IFT43: variants seen among roughly 807,000 people sequenced by gnomAD.
IFT43 encodes intraflagellar transport protein 43 homolog.
Under a neutral mutation model 32.3 loss-of-function variants are expected in IFT43, and 33 were observed. That is an observed-to-expected ratio of 1.02 (90% CI 0.77 to 1.37). The LOEUF is 1.37. Among genes scored for constraint, IFT43 ranks in the 40% most tolerant of loss-of-function variants. The pLI, the probability that IFT43 is intolerant of heterozygous loss-of-function variation, is 0.00. For missense variants in IFT43, 274 were observed against 265.9 expected (o/e 1.03, Z -0.21); for synonymous variants, 93 against 98.2 (o/e 0.95, Z 0.31).
At chr14:76,067,288 G>A (rs1027244650) in intron 5 of IFT43, among the ~76,000 whole-genome samples, 4 of 152,308 alleles carry the variant, frequency 2.6e-5, no homozygotes, top group South Asian at 2.1e-4. Context: ...AAGAGAGGCC[G>A]GGTACAGTGG....
At chr14:75,996,004 A>G (rs1035858170) in intron 2 of IFT43, among the ~76,000 whole-genome samples, 2 of 152,136 alleles carry the variant, frequency 1.3e-5, no homozygotes, top group African/African-American at 4.8e-5. Flanking sequence ...GGAAATCAAC[A>G]TCTTGAGATT....
chr14:76,003,780 GTT>G (rs990596263), intron 2 of IFT43, among the ~76,000 whole-genome samples: 1 of 151,686 alleles, frequency 6.6e-6, no homozygotes, highest in African/African-American at 2.4e-5. Flanking sequence ...TCGGGTTTTT[GTT>G]TTGTTTTGTT....
intron 5 of IFT43, among the ~76,000 whole-genome samples, chr14:76,066,006 G>A (rs1232640519): frequency 6.6e-6 from 1 of 152,212 alleles, no homozygotes; most frequent in Non-Finnish European, 1.5e-5. Context: ...ACCAGGGTCT[G>A]AATATGGACC....
intron 2 of IFT43, among the ~76,000 whole-genome samples, chr14:76,021,209 G>T (rs943728396): frequency 6.6e-6 from 1 of 152,046 alleles, no homozygotes; most frequent in African/African-American, 2.4e-5. Flanking sequence ...GTGGGGGTTG[G>T]AGGCAAGTCA....
chr14:76,048,955 A>G (rs1275637188), intron 3 of IFT43, among the ~76,000 whole-genome samples: 1 of 152,120 alleles, frequency 6.6e-6, no homozygotes, highest in African/African-American at 2.4e-5. Context: ...CAGTGTATTT[A>G]TGGGGTTTCG....
At chr14:76,076,847 C>A (rs2037421975) in intron 5 of IFT43, among the ~76,000 whole-genome samples, 1 of 152,160 alleles carries the variant, frequency 6.6e-6, no homozygotes, top group African/African-American at 2.4e-5. Context: ...CAGCTCACAT[C>A]TTTGAAACCA....
At chr14:76,021,382 A>T (rs745705114) in intron 2 of IFT43, among the ~76,000 whole-genome samples, 25 of 152,234 alleles carry the variant, frequency 1.6e-4, no homozygotes, top group Non-Finnish European at 3.4e-4. Context: ...GTTTATAAAA[A>T]GCAGAAGAGG....
chr14:76,019,950 A>T (rs2036259237), intron 2 of IFT43, among the ~76,000 whole-genome samples: 1 of 149,740 alleles, frequency 6.7e-6, no homozygotes, highest in Non-Finnish European at 1.5e-5. Context: ...TCCCATTCAG[A>T]TCATGAATCA....
chr14:76,059,171 C>CAGTGG, intron 4 of IFT43, 156 bp from the exon 5 acceptor site: 1 of 1,563,692 alleles, frequency 6.4e-7, no homozygotes. Flanking sequence ...ACGGCACACC[C>CAGTGG]AGTGGCCTAA....
At chr14:75,991,388 AGTGTGTGTGTGTGTGTGTGT>A (rs34624480) in intron 2 of IFT43, among the ~76,000 whole-genome samples, 2 of 141,986 alleles carry the variant, frequency 1.4e-5, no homozygotes, top group East Asian at 2.0e-4. Flanking sequence ...TATTAACAAG[AGTGTGTGTGTGTGTGTGTGT>A]GTGTGTGTGT....
At position 75,986,629 on chromosome 14, in the gene IFT43, C is replaced by T. The variant is rs373349252; in HGVS notation, c.54+789C>T. Among the ~76,000 whole-genome samples, 185 of 152,280 alleles carry T rather than the reference C, an allele frequency of 1.2e-3. 6 individuals are homozygous for T. The South Asian group carries it at 0.036, about 30-fold the overall frequency. Reference sequence around the variant, plus strand: ...AGGTTAGCTACTGCTGCCTATGAGGCTGTGGTTTACCCAGCGTTATAGTTA... The same window carrying T: ...AGGTTAGCTACTGCTGCCTATGAGGTTGTGGTTTACCCAGCGTTATAGTTA... On this transcript the variant is annotated intron_variant, in intron 1 of 8. Coordinates refer to ENST00000314067, the MANE Select transcript of IFT43 (RefSeq NM_001102564.3).
chr14:76,080,216 C>T (rs946031032), intron 5 of IFT43, among the ~76,000 whole-genome samples: 4 of 152,178 alleles, frequency 2.6e-5, no homozygotes, highest in South Asian at 2.1e-4. Context: ...GGCGGTTCAC[C>T]GGGTTCTGCT....
chr14:76,059,659 T>A, intron 5 of IFT43: 1 of 457,542 alleles, frequency 2.2e-6, no homozygotes, highest in Non-Finnish European at 4.1e-6. Flanking sequence ...TCTCACTGGA[T>A]GTTCTTTCTC....
intron 3 of IFT43, among the ~76,000 whole-genome samples, chr14:76,025,191 T>G (rs2036367210): frequency 6.6e-6 from 1 of 152,196 alleles, no homozygotes; most frequent in African/African-American, 2.4e-5. Flanking sequence ...GTTTAGAATT[T>G]CCTTGAGCAG....
At chr14:76,083,916 C>T (rs527717683), downstream of IFT43, 355 of 482,716 alleles carry the variant, frequency 7.4e-4, 6 homozygotes, top group South Asian at 5.3e-3. Flanking sequence ...GTTCACTTCT[C>T]GGGAGGTTTC....
intron 5 of IFT43, among the ~76,000 whole-genome samples, chr14:76,081,519 G>T (rs919299094): frequency 1.3e-5 from 2 of 152,180 alleles, no homozygotes; most frequent in Admixed American, 6.5e-5. Context: ...ACAATTTTTG[G>T]TCACTTAAGC....
chr14:76,045,727 A>T (rs1377862381), intron 3 of IFT43, among the ~76,000 whole-genome samples: 1 of 152,196 alleles, frequency 6.6e-6, no homozygotes, highest in African/African-American at 2.4e-5. Flanking sequence ...AGAAAGAGTG[A>T]TGTGAAAGTG....
intron 5 of IFT43, among the ~76,000 whole-genome samples, chr14:76,061,014 G>A (rs1456861303): frequency 1.3e-5 from 2 of 151,920 alleles, no homozygotes; most frequent in African/African-American, 2.4e-5. Context: ...TAATTCTCCT[G>A]CCTCAGCCTC....
chr14:76,001,582 A>G (rs2035886296), intron 2 of IFT43, among the ~76,000 whole-genome samples: 1 of 152,220 alleles, frequency 6.6e-6, no homozygotes, highest in African/African-American at 2.4e-5. Flanking sequence ...AAGTTTCTCC[A>G]ACACCCCTGA....
Sources: gnomAD v4.1 joint callset for allele counts (sites outside exome capture counted in the v4.1 genomes callset) on GRCh38, gnomAD v4.1.1 for gene constraint, MANE v1.5 for transcripts, NCBI Gene and HGNC (gene_info 2026-07-23, HGNC 2026-07-21) for gene names.